The following DSCAM variants were observed in gnomAD, a reference collection of about 807,000 sequenced individuals.
DSCAM encodes cell adhesion molecule DSCAM.
A neutral mutation model predicts 217.7 loss-of-function variants in DSCAM; 47 were observed. That is an observed-to-expected ratio of 0.22 (90% CI 0.17 to 0.28). DSCAM has a LOEUF of 0.28. Among genes scored for constraint, DSCAM ranks in the 10% least tolerant of loss-of-function variants. The pLI is 1.00. For missense variants in DSCAM, 2,080 were observed against 2,618.3 expected (o/e 0.79, Z 4.49); for synonymous variants, 1,056 against 1,015.3 (o/e 1.04, Z -0.76).
At chr21:40,224,674 T>G (rs2091316020) in intron 11 of DSCAM, among the ~76,000 whole-genome samples, 1 of 152,242 alleles carries the variant, frequency 6.6e-6, no homozygotes, top group South Asian at 2.1e-4. Flanking sequence ...AAATGACATC[T>G]TAAATCTGCA....
intron 16 of DSCAM, among the ~76,000 whole-genome samples, chr21:40,154,232 T>A (rs1177553472): frequency 6.6e-6 from 1 of 151,250 alleles, no homozygotes; most frequent in African/African-American, 2.4e-5. Flanking sequence ...CTCCCTTCCT[T>A]TCCTTCCTTC....
At chr21:40,484,856 G>A (rs1048907481) in intron 3 of DSCAM, among the ~76,000 whole-genome samples, 1 of 152,168 alleles carries the variant, frequency 6.6e-6, no homozygotes. Context: ...GGTAGATGCT[G>A]TCATCTATAA....
intron 3 of DSCAM, among the ~76,000 whole-genome samples, chr21:40,675,030 CAT>C (rs1491476730): frequency 0.36 from 54,123 of 151,456 alleles, 10,795 homozygotes; most frequent in Non-Finnish European, 0.45. Flanking sequence ...CACACACACA[CAT>C]GCACGCGCAC....
chr21:40,544,814 T>G (rs987816406), intron 3 of DSCAM, among the ~76,000 whole-genome samples: 1 of 152,124 alleles, frequency 6.6e-6, no homozygotes, highest in Non-Finnish European at 1.5e-5. Context: ...CAAATGAAAA[T>G]TATCTTTCAA....
chr21:40,360,297 T>C lies in DSCAM; in HGVS notation c.656-6554A>G, dbSNP rs1189624657. Among the ~76,000 whole-genome samples, 6 of 151,982 alleles carry C rather than the reference T, an allele frequency of 3.9e-5. No homozygotes were observed. In the East Asian group the frequency reaches 1.2e-3, roughly 30 times the overall value. ...ACAGGCGCCTACCACCACGCCCGGC[T>C]AATTTTTTTTGTATTTTTACTAGAG... On this transcript the variant is annotated intron_variant, in intron 4 of 32. Coordinates refer to ENST00000400454, the MANE Select transcript of DSCAM (RefSeq NM_001389.5).
At chr21:40,734,158 G>A (rs62223034) in intron 1 of DSCAM, among the ~76,000 whole-genome samples, 8,012 of 152,112 alleles carry the variant, frequency 0.053, 239 homozygotes, top group Non-Finnish European at 0.069. Flanking sequence ...TCTAGAAATC[G>A]GAGTCACCCC....
chr21:40,701,752 T>C (rs1023214076), intron 2 of DSCAM, among the ~76,000 whole-genome samples: 7 of 152,162 alleles, frequency 4.6e-5, no homozygotes, highest in African/African-American at 1.2e-4. Context: ...AGAGATGTTA[T>C]TGTTAGTGAT....
chr21:40,520,096 C>T lies in DSCAM; in HGVS notation c.509-150851G>A, dbSNP rs559339036. On this transcript the variant is annotated intron_variant, in intron 3 of 32. Coordinates refer to ENST00000400454, the MANE Select transcript of DSCAM (RefSeq NM_001389.5). ...TTAACAACTCTAAATGAATATGTTTCCTTAATGACATAATTCATTTGCCCT... is the reference window on the plus strand; with the variant it reads ...TTAACAACTCTAAATGAATATGTTTTCTTAATGACATAATTCATTTGCCCT... 3.0e-4 allele frequency among the ~76,000 whole-genome samples: 46 copies of T among 152,120 alleles called. No individual in the cohort carries two copies. The South Asian group carries it at 8.1e-3, about 27-fold the overall frequency.
chr21:40,361,901 CCCT>C (rs1261586883), intron 4 of DSCAM, among the ~76,000 whole-genome samples: 2 of 152,156 alleles, frequency 1.3e-5, no homozygotes, highest in African/African-American at 4.8e-5. Flanking sequence ...GCAGAGCTAG[CCCT>C]CCTCCTTTCT....
At chr21:40,072,951 G>T (rs1303924353) in intron 27 of DSCAM, among the ~76,000 whole-genome samples, 3 of 152,224 alleles carry the variant, frequency 2.0e-5, no homozygotes, top group Non-Finnish European at 4.4e-5. Flanking sequence ...GTGTCTGGAA[G>T]CAGGGAGGCC....
At chr21:40,600,686 G>GT (rs1421950985) in intron 3 of DSCAM, among the ~76,000 whole-genome samples, 2 of 152,056 alleles carry the variant, frequency 1.3e-5, no homozygotes, top group Non-Finnish European at 2.9e-5. Context: ...TCAATTTTGA[G>GT]TTTTTTTGTT....
intron 3 of DSCAM, among the ~76,000 whole-genome samples, chr21:40,405,443 C>A (rs1192595734): frequency 2.6e-5 from 4 of 151,900 alleles, no homozygotes; most frequent in Non-Finnish European, 5.9e-5. Context: ...TTGGTCTGGG[C>A]AAATAATTTT....
At chr21:40,610,173 G>A (rs905084718) in intron 3 of DSCAM, among the ~76,000 whole-genome samples, 1 of 152,184 alleles carries the variant, frequency 6.6e-6, no homozygotes, top group Admixed American at 6.5e-5. Context: ...AGAAAGCCCA[G>A]CGAGACAATA....
chr21:40,053,367 T>C (rs900795880), intron 29 of DSCAM, among the ~76,000 whole-genome samples: 1 of 152,192 alleles, frequency 6.6e-6, no homozygotes, highest in Non-Finnish European at 1.5e-5. Context: ...AGAGGGTGGC[T>C]CTTCCACAGA....
intron 1 of DSCAM, among the ~76,000 whole-genome samples, chr21:40,764,492 A>G (rs905065620): frequency 1.3e-5 from 2 of 152,190 alleles, no homozygotes; most frequent in Admixed American, 1.3e-4. Flanking sequence ...ACACTTTCAC[A>G]CTGTTGGTGG....
chr21:40,809,974 C>T (rs2091823832), intron 1 of DSCAM, among the ~76,000 whole-genome samples: 1 of 152,212 alleles, frequency 6.6e-6, no homozygotes, highest in Admixed American at 6.5e-5. Flanking sequence ...TGCACCATTG[C>T]CTCCTGACTT....
intron 11 of DSCAM, among the ~76,000 whole-genome samples, chr21:40,273,639 TTTC>T (rs2073648622): frequency 6.6e-6 from 1 of 152,192 alleles, no homozygotes; most frequent in Non-Finnish European, 1.5e-5. Context: ...CGTTCCGTAG[TTTC>T]TTAGTCAACT....
chr21:40,684,159 A>G (rs568166210), intron 3 of DSCAM, among the ~76,000 whole-genome samples: 1 of 151,658 alleles, frequency 6.6e-6, no homozygotes, highest in African/African-American at 2.4e-5. Flanking sequence ...GGTGGAGAAG[A>G]GGTTGCAATG....
In DSCAM at chr21:40,093,709, G is replaced by A. The variant is rs1360173343; in HGVS notation, c.3850+12C>T. Reference sequence around the variant, plus strand: ...TACAACAGGAAATGAGGTCCTTATAGCCACTGCCTACCTTTTGCTAGTGGC... The same window carrying A: ...TACAACAGGAAATGAGGTCCTTATAACCACTGCCTACCTTTTGCTAGTGGC... On this transcript the variant is annotated intron_variant, in intron 21 of 32. Transcript: ENST00000400454. The A allele has an allele frequency of 1.9e-6, 3 of 1,613,788 alleles. No homozygotes were observed. Among genetic ancestry groups the A allele is most frequent in the Non-Finnish European group, 2.5e-6 (3 of 1,179,850 alleles).
Sources: gnomAD v4.1 joint callset for allele counts (sites outside exome capture counted in the v4.1 genomes callset) on GRCh38, gnomAD v4.1.1 for gene constraint, MANE v1.5 for transcripts, NCBI Gene and HGNC (gene_info 2026-07-23, HGNC 2026-07-21) for gene names.